Variants in CDH13 observed in about 807,000 individuals in gnomAD.
CDH13 encodes the protein cadherin-13.
Under a neutral mutation model 63.8 loss-of-function variants are expected in CDH13, and 24 were observed. That is an observed-to-expected ratio of 0.38 (90% CI 0.27 to 0.53). CDH13 has a LOEUF of 0.53. Ranked by LOEUF, CDH13 falls within the 20% of genes least tolerant of loss-of-function variation. The probability of loss-of-function intolerance (pLI) is 0.85; values close to 1 mark genes in which losing one functional copy is unlikely to be tolerated. For synonymous variants in CDH13, 503 were observed against 355.3 expected (o/e 1.42, Z -4.67); for missense variants, 1,049 against 903.1 (o/e 1.16, Z -2.07).
At chr16:83,090,573 C>T (rs1376472901) in intron 3 of CDH13, among the ~76,000 whole-genome samples, 3 of 129,958 alleles carry the variant, frequency 2.3e-5, no homozygotes, top group Non-Finnish European at 1.6e-5. Flanking sequence ...AACTGCATCT[C>T]AAAAAAAAAA....
At chr16:83,238,873 C>T (rs1276530077) in intron 5 of CDH13, among the ~76,000 whole-genome samples, 1 of 152,158 alleles carries the variant, frequency 6.6e-6, no homozygotes, top group Non-Finnish European at 1.5e-5. Context: ...AGACAGTCTT[C>T]TTCTGTCCTG....
At chr16:83,337,789 C>G (rs1355592196) in intron 5 of CDH13, among the ~76,000 whole-genome samples, 1 of 151,704 alleles carries the variant, frequency 6.6e-6, no homozygotes, top group Non-Finnish European at 1.5e-5. Flanking sequence ...TGTGTAGCTT[C>G]ATGTGTATTA....
chr16:83,154,687 G>T (rs1053123304), intron 4 of CDH13, among the ~76,000 whole-genome samples: 6 of 152,212 alleles, frequency 3.9e-5, no homozygotes, highest in African/African-American at 9.6e-5. Flanking sequence ...CAACTCTCAG[G>T]TACCATGCCA....
chr16:82,649,719 A>T (rs1286329336), intron 1 of CDH13, among the ~76,000 whole-genome samples: 2 of 152,164 alleles, frequency 1.3e-5, no homozygotes, highest in Admixed American at 6.5e-5. Context: ...GAGGAGGGTA[A>T]GAAGACATGG....
chr16:83,279,547 C>T (rs959774868), intron 5 of CDH13, among the ~76,000 whole-genome samples: 1 of 152,146 alleles, frequency 6.6e-6, no homozygotes, highest in Non-Finnish European at 1.5e-5. Flanking sequence ...TAAATCTCAC[C>T]TTAAAGGTCA....
intron 5 of CDH13, among the ~76,000 whole-genome samples, chr16:83,239,274 A>G (rs1288323209): frequency 1.3e-5 from 2 of 152,226 alleles, no homozygotes; most frequent in Admixed American, 1.3e-4. Context: ...GAAATAAAAA[A>G]GATGAATGGG....
chr16:83,281,655 T>TC (rs549060980), intron 5 of CDH13, among the ~76,000 whole-genome samples: 8 of 151,810 alleles, frequency 5.3e-5, no homozygotes, highest in African/African-American at 1.9e-4. Context: ...ACACCTGTAA[T>TC]CCCCGCATTT....
At chr16:83,596,055 C>A (rs1195782026) in intron 7 of CDH13, among the ~76,000 whole-genome samples, 1 of 152,198 alleles carries the variant, frequency 6.6e-6, no homozygotes, top group African/African-American at 2.4e-5. Flanking sequence ...TGATTACATT[C>A]GTCTTTCCTC....
chr16:82,899,040 C>G (rs187036733), intron 2 of CDH13, among the ~76,000 whole-genome samples: 10 of 152,298 alleles, frequency 6.6e-5, no homozygotes, highest in Admixed American at 5.9e-4. Flanking sequence ...CACTCATCAA[C>G]TAGGATGACA....
intron 6 of CDH13, among the ~76,000 whole-genome samples, chr16:83,387,497 G>T (rs1434255835): frequency 6.6e-6 from 1 of 152,134 alleles, no homozygotes; most frequent in Non-Finnish European, 1.5e-5. Context: ...ACAGAGGATT[G>T]TCATCCTGGA....
intron 1 of CDH13, among the ~76,000 whole-genome samples, chr16:82,718,459 G>C (rs914149359): frequency 6.6e-6 from 1 of 152,182 alleles, no homozygotes; most frequent in African/African-American, 2.4e-5. Flanking sequence ...CCAGCAACTG[G>C]GGTGGGGATG....
At chr16:83,291,116 C>T (rs1203282658) in intron 5 of CDH13, among the ~76,000 whole-genome samples, 1 of 152,176 alleles carries the variant, frequency 6.6e-6, no homozygotes, top group Non-Finnish European at 1.5e-5. Context: ...AGCTACCAAC[C>T]TGATCTCATT....
intron 2 of CDH13, among the ~76,000 whole-genome samples, chr16:82,868,606 G>A (rs2040235654): frequency 6.6e-6 from 1 of 152,166 alleles, no homozygotes; most frequent in African/African-American, 2.4e-5. Flanking sequence ...ATGAACACAG[G>A]TGGAGTTCCC....
At chr16:82,712,717 C>G (rs112204641) in intron 1 of CDH13, among the ~76,000 whole-genome samples, 9 of 152,296 alleles carry the variant, frequency 5.9e-5, no homozygotes, top group South Asian at 2.1e-4. Context: ...GGCTGACTCC[C>G]TGAACTCTTC....
chr16:82,715,467 C>T (rs187427505), intron 1 of CDH13, among the ~76,000 whole-genome samples: 35 of 152,216 alleles, frequency 2.3e-4, no homozygotes, highest in African/African-American at 6.7e-4. Flanking sequence ...ACCAGAGCTA[C>T]GTGCGATGCT....
intron 2 of CDH13, among the ~76,000 whole-genome samples, chr16:83,027,865 C>T (rs1915962672): frequency 1.3e-5 from 2 of 152,148 alleles, no homozygotes. Context: ...AATAGGTCCC[C>T]AATTATTTAT....
intron 3 of CDH13, among the ~76,000 whole-genome samples, chr16:83,072,251 C>G (rs1384138425): frequency 1.3e-5 from 2 of 152,116 alleles, no homozygotes; most frequent in South Asian, 2.1e-4. Context: ...TTAAAGAAAC[C>G]AAACTCACTT....
At chr16:83,277,922 T>C (rs2089043624) in intron 5 of CDH13, among the ~76,000 whole-genome samples, 3 of 152,190 alleles carry the variant, frequency 2.0e-5, no homozygotes, top group Non-Finnish European at 4.4e-5. Flanking sequence ...TAAATAAATG[T>C]ATTTAAAAAG....
intron 3 of CDH13, among the ~76,000 whole-genome samples, chr16:83,041,466 T>A (rs1917323709): frequency 1.3e-5 from 2 of 152,134 alleles, no homozygotes; most frequent in African/African-American, 4.8e-5. Context: ...TTGTTTTTAA[T>A]TTTTTTAATA....
Sources: gnomAD v4.1 joint callset for allele counts (sites outside exome capture counted in the v4.1 genomes callset) on GRCh38, gnomAD v4.1.1 for gene constraint, MANE v1.5 for transcripts, NCBI Gene and HGNC (gene_info 2026-07-23, HGNC 2026-07-21) for gene names.